Variants in SLC5A6 observed in about 807,000 individuals in gnomAD.
SLC5A6 encodes solute carrier family 5 member 6.
A neutral mutation model predicts 67.9 loss-of-function variants in SLC5A6; 31 were observed. The observed-to-expected ratio is 0.46, with a 90% CI of 0.34 to 0.62. SLC5A6 has a LOEUF of 0.62. Among genes scored for constraint, SLC5A6 ranks in the 20% least tolerant of loss-of-function variants. The pLI is 0.01. For synonymous variants in SLC5A6, 343 were observed against 331.0 expected, an observed-to-expected ratio of 1.04 and a Z score of -0.39; for missense variants, 673 against 812.8, an observed-to-expected ratio of 0.83 and a Z score of 2.09.
intron 7 of SLC5A6, 45 bp downstream of exon 7, chr2:27,205,305 C>T (rs41288807): frequency 0.048 from 76,823 of 1,584,628 alleles, 2,042 homozygotes; most frequent in African/African-American, 0.082. Flanking sequence ...ATGGGCTCAG[C>T]GCCCAGGCAC....
At position 27,200,447 on chromosome 2, in the gene SLC5A6, TCTC is replaced by T; in HGVS notation, c.1894_1896del (p.Glu632del). On this transcript the variant is annotated inframe_deletion, in exon 17 of 17. Coordinates refer to ENST00000310574, the MANE Select transcript of SLC5A6 (RefSeq NM_021095.4). ...GTCCTGAGTCAACATCACAGGGAGG[TCTC>T]CTGGAGGATGCAGGTGGAGCTGCTC... 1 of 1,610,260 alleles carries T rather than the reference TCTC, an allele frequency of 6.2e-7. No homozygotes were observed. The highest frequency in any genetic ancestry group is 2.2e-5 in the East Asian group (1 of 44,818).
rs539150868 is a variant in SLC5A6, at chr2:27,200,904, G to A, written c.1764+94C>T. ...GCTGATCCTGAGAGAGGCACCCGGG[G>A]CAGGGGGAGAGAAAAGGGGTAGAAG... On this transcript the variant is annotated intron_variant, in intron 16 of 16. Transcript: ENST00000310574. The A allele has an allele frequency of 4.4e-5, 35 of 802,800 alleles. No individual in the cohort carries two copies. The East Asian group carries it at 9.1e-4, about 21-fold the overall frequency. 49.7% of individuals were successfully genotyped at this position (802,800 alleles called of 1,614,324 possible).
chr2:27,200,542 C>G lies in SLC5A6; in HGVS notation c.1802G>C (p.Arg601Thr). The change falls in exon 17 of 17, where the codon AGG becomes ACG. Residue 601 changes from arginine (R) to threonine (T), a missense_variant. Physicochemically the swap from Arg to Thr is moderately conservative, Grantham distance 71. Transcript: ENST00000310574. ...LDTGLFPEKPRNGVLGDSRDK... is the reference protein window; with the variant it reads ...LDTGLFPEKPTNGVLGDSRDK... ...TCTGCTGTCCCCCAGCACACCATTC[C>G]TCGGCTTCTCAGGAAACAGGCCAGT... 6.2e-7 allele frequency: 1 copy of G among 1,614,024 alleles called. No homozygotes were observed. Among genetic ancestry groups the G allele is most frequent in the Non-Finnish European group, 8.5e-7 (1 of 1,179,908 alleles).
chr2:27,206,554 T>C lies in SLC5A6; in HGVS notation c.460-20A>G, dbSNP rs773430348. 2.5e-6 allele frequency: 4 copies of C among 1,611,434 alleles called. No individual in the cohort carries two copies. Among genetic ancestry groups the C allele is most frequent in the East Asian group, 4.5e-5 (2 of 44,880 alleles). Reference sequence around the variant, plus strand: ...GATCACCTGTTGCATGTGGAAAAAATGTGATGGGGGCCGGAGAATGGTGGG... The same window carrying C: ...GATCACCTGTTGCATGTGGAAAAAACGTGATGGGGGCCGGAGAATGGTGGG... On this transcript the variant is annotated intron_variant, in intron 4 of 16. Coordinates refer to ENST00000310574, the MANE Select transcript of SLC5A6 (RefSeq NM_021095.4).
chr2:27,206,827 C>G (rs756559131), intron 4 of SLC5A6, 50 bp downstream of exon 4: 5 of 1,377,364 alleles, frequency 3.6e-6, no homozygotes, highest in Non-Finnish European at 5.2e-6. Context: ...TGCTTGCGTT[C>G]AGGTCCCCCA....
chr2:27,206,842 G>A, intron 4 of SLC5A6, 35 bp downstream of exon 4: 1 of 1,528,370 alleles, frequency 6.5e-7, no homozygotes, highest in Non-Finnish European at 9.1e-7. Flanking sequence ...CCCCCAACAT[G>A]CCCTAGGCTC....
Position 27,204,451 on chromosome 2 carries a change from G to A in SLC5A6, c.1005+10C>T, listed in dbSNP as rs185935058. On this transcript the variant is annotated intron_variant, in intron 9 of 16. Transcript: ENST00000310574. ...CCTGCCCTCATGGGAACAGAACAGC[G>A]CCTTCTCACCTGGTCTGGGGCTGCC... The A allele has an allele frequency of 7.2e-4, 1,153 of 1,609,984 alleles. 2 individuals carry two copies. The highest frequency in any genetic ancestry group is 1.5e-3 in the South Asian group (135 of 90,540).
intron 2 of SLC5A6, among the ~76,000 whole-genome samples, chr2:27,209,528 A>AAG (rs1009433742): frequency 6.6e-6 from 1 of 152,212 alleles, no homozygotes; most frequent in Non-Finnish European, 1.5e-5. Context: ...GATACAAAAC[A>AAG]AGAGAGAGAG....
chr2:27,209,230 A>G (rs1337686111), intron 2 of SLC5A6, among the ~76,000 whole-genome samples: 2 of 152,216 alleles, frequency 1.3e-5, no homozygotes, highest in Non-Finnish European at 2.9e-5. Context: ...CTGTTCTCCA[A>G]GCGTATCATA....
In SLC5A6 at chr2:27,206,464, G is replaced by A; in HGVS notation, c.511+19C>T. On this transcript the variant is annotated intron_variant, in intron 5 of 16. Coordinates refer to ENST00000310574, the MANE Select transcript of SLC5A6 (RefSeq NM_021095.4). ...CTAACCTACCACGGCTGAAAGCCAG[G>A]GGCTGTGTGACTCCTCACCTGCATT... 6.2e-7 allele frequency: 1 copy of A among 1,613,214 alleles called. No homozygotes were observed. Among genetic ancestry groups the A allele is most frequent in the Non-Finnish European group, 8.5e-7 (1 of 1,179,226 alleles).
Position 27,201,929 on chromosome 2 carries a change from C to T in SLC5A6, c.1362+59G>A. 2.5e-6 allele frequency: 4 copies of T among 1,606,152 alleles called. No individual in the cohort carries two copies. In the Admixed American group the frequency reaches 6.7e-5, roughly 27 times the overall value. On this transcript the variant is annotated intron_variant, in intron 13 of 16. Coordinates refer to ENST00000310574, the MANE Select transcript of SLC5A6 (RefSeq NM_021095.4). Reference sequence around the variant, plus strand: ...GTCCTCAGCTCTCCTGGTGACAGCCCTGCCAACCCCCAGGTCCATCCTGCT... The same window carrying T: ...GTCCTCAGCTCTCCTGGTGACAGCCTTGCCAACCCCCAGGTCCATCCTGCT...
At chr2:27,205,729 A>G (rs1375899246) in intron 6 of SLC5A6, among the ~76,000 whole-genome samples, 2 of 152,150 alleles carry the variant, frequency 1.3e-5, no homozygotes, top group Non-Finnish European at 2.9e-5. Context: ...ACCCATGACT[A>G]TATTCTCTCC....
chr2:27,212,381 G>A (rs773247722), upstream of SLC5A6: 5 of 1,550,606 alleles, frequency 3.2e-6, no homozygotes, highest in South Asian at 6.0e-5. Context: ...GGCGCCTCAC[G>A]ACCCGGGTAG....
At position 27,203,291 on chromosome 2, in the gene SLC5A6, A is replaced by T; in HGVS notation, c.1149T>A (p.Ile383=). ...SLATVTMEDL[I]RPWFPEFSEA... ...CAGAGAACTCAGGGAACCAAGGTCGAATCAGGTCTTCCATCGTAACAGTTG... is the reference window on the plus strand; with the variant it reads ...CAGAGAACTCAGGGAACCAAGGTCGTATCAGGTCTTCCATCGTAACAGTTG... Residue 383 remains isoleucine (I), a synonymous_variant, in exon 11 of 17, where the codon ATT becomes ATA. Transcript: ENST00000310574. 1 of 1,614,180 alleles carries T rather than the reference A, an allele frequency of 6.2e-7. No individual in the cohort carries two copies. The highest frequency in any genetic ancestry group is 8.5e-7 in the Non-Finnish European group (1 of 1,180,018).
At chr2:27,212,520 C>T (rs1674621929), upstream of SLC5A6, 2 of 1,509,700 alleles carry the variant, frequency 1.3e-6, no homozygotes, top group East Asian at 5.1e-5. Context: ...GCCAGCCGTG[C>T]GTCGCGCTCG....
chr2:27,200,502 C>A lies in SLC5A6; in HGVS notation c.1842G>T (p.Met614Ile). The change falls in exon 17 of 17, where the codon ATG becomes ATT. Residue 614 changes from methionine (M) to isoleucine (I), a missense_variant. Coordinates refer to ENST00000310574, the MANE Select transcript of SLC5A6 (RefSeq NM_021095.4). ...CCTGATAGGCTGTGCCATCCAGGGCCATGGCCTCCTTGTCTCTGCTGTCCC... is the reference window on the plus strand; with the variant it reads ...CCTGATAGGCTGTGCCATCCAGGGCAATGGCCTCCTTGTCTCTGCTGTCCC... ...VLGDSRDKEA[M>I]ALDGTAYQGS... The A allele has an allele frequency of 6.2e-7, 1 of 1,614,106 alleles. No homozygotes were observed. Among genetic ancestry groups the A allele is most frequent in the Non-Finnish European group, 8.5e-7 (1 of 1,179,976 alleles).
At chr2:27,211,259 CGT>C in intron 2 of SLC5A6, among the ~76,000 whole-genome samples, 1 of 152,324 alleles carries the variant, frequency 6.6e-6, no homozygotes, top group African/African-American at 2.4e-5. Context: ...GCCAGCTAAA[CGT>C]AAACCTTTCA....
At position 27,200,528 on chromosome 2, in the gene SLC5A6, C is replaced by G; in HGVS notation, c.1816G>C (p.Gly606Arg). The G allele has an allele frequency of 2.5e-6, 4 of 1,614,046 alleles. No homozygotes were observed. The Admixed American group carries it at 6.7e-5, about 27-fold the overall frequency. Reference sequence around the variant, plus strand: ...ATGGCCTCCTTGTCTCTGCTGTCCCCCAGCACACCATTCCTCGGCTTCTCA... The same window carrying G: ...ATGGCCTCCTTGTCTCTGCTGTCCCGCAGCACACCATTCCTCGGCTTCTCA... ...FPEKPRNGVL[G>R]DSRDKEAMAL... is the part of the protein sequence containing the mutation. The change falls in exon 17 of 17, where the codon GGG (glycine) becomes CGG (arginine). Residue 606 changes from glycine to arginine, a missense_variant. By Grantham distance (125) the Gly-to-Arg change is moderately radical. Coordinates refer to ENST00000310574, the MANE Select transcript of SLC5A6 (RefSeq NM_021095.4).
At chr2:27,210,298 T>C (rs1674375094) in intron 2 of SLC5A6, among the ~76,000 whole-genome samples, 1 of 152,226 alleles carries the variant, frequency 6.6e-6, no homozygotes, top group African/African-American at 2.4e-5. Flanking sequence ...TCTGTAGTTT[T>C]CTAAACACCC....
Sources: allele counts gnomAD v4.1 joint callset (sites outside exome capture counted in the v4.1 genomes callset), GRCh38; gene constraint gnomAD v4.1.1; transcripts MANE v1.5; gene names NCBI Gene and HGNC (gene_info 2026-07-23, HGNC 2026-07-21).